The following UBE2O variants were observed in gnomAD, a reference collection of about 807,000 sequenced individuals.
UBE2O encodes the protein (E3-independent) E2 ubiquitin-conjugating enzyme.
Under a neutral mutation model 125.8 loss-of-function variants are expected in UBE2O, and 15 were observed. That is an observed-to-expected ratio of 0.12 (90% CI 0.08 to 0.18). The LOEUF is 0.18. Among genes scored for constraint, UBE2O ranks in the 10% least tolerant of loss-of-function variants. The probability of loss-of-function intolerance (pLI) is 1.00; values close to 1 mark genes in which losing one functional copy is unlikely to be tolerated. For missense variants in UBE2O, 1,280 were observed against 1,723.6 expected (o/e 0.74, Z 4.56); for synonymous variants, 708 against 703.2 (o/e 1.01, Z -0.11).
Position 76,399,575 on chromosome 17 carries a change from G to A in UBE2O, c.1502C>T (p.Thr501Ile). The A allele has an allele frequency of 1.2e-6, 2 of 1,614,210 alleles. No individual in the cohort carries two copies. Among genetic ancestry groups the A allele is most frequent in the Non-Finnish European group, 1.7e-6 (2 of 1,180,040 alleles). Residue 501 changes from threonine (T) to isoleucine (I), a missense_variant, in exon 9 of 18, where the codon ACC (threonine) becomes ATC (isoleucine). Thr to Ile is a moderately conservative substitution (Grantham distance 89, BLOSUM62 -1). Transcript: ENST00000319380. This position sits in a 1 kb window ranked among gnomAD's most constrained non-coding sequence, Gnocchi z 6.9. Reference sequence around the variant, plus strand: ...GCCGCTGCCGCTCTGGGAGGAAGTGGTGGAGCTGGCAGAGGAGGTCACCGA... The same window carrying A: ...GCCGCTGCCGCTCTGGGAGGAAGTGATGGAGCTGGCAGAGGAGGTCACCGA... ...TSSVTSSASS[T>I]TSSQSGSGTS...
At position 76,404,220 on chromosome 17, in the gene UBE2O, C is replaced by T. The variant is rs756495399; in HGVS notation, c.588+986G>A. Among the ~76,000 whole-genome samples the T allele has an allele frequency of 1.3e-5, 2 of 152,206 alleles. No homozygotes were observed. The highest frequency in any genetic ancestry group is 2.9e-5 in the Non-Finnish European group (2 of 68,038). On this transcript the variant is annotated intron_variant, in intron 3 of 17. Coordinates refer to ENST00000319380, the MANE Select transcript of UBE2O (RefSeq NM_022066.4). This position sits in a 1 kb window ranked among gnomAD's most constrained non-coding sequence, Gnocchi z 4.3. ...GACATAATCTGGGACTACGTTCCCA[C>T]AAAATACAATCACTTAAAGGGGGTA...
Position 76,398,178 on chromosome 17 carries a change from C to G in UBE2O, c.2025+77G>C. 6.3e-7 allele frequency: 1 copy of G among 1,598,160 alleles called. No individual in the cohort carries two copies. The highest frequency in any genetic ancestry group is 2.2e-5 in the East Asian group (1 of 44,708). On this transcript the variant is annotated intron_variant, in intron 12 of 17. Transcript: ENST00000319380. This position sits in a 1 kb window ranked among gnomAD's most constrained non-coding sequence, Gnocchi z 5.4. ...TTCAGGTCTTGTCTCCTAGAGCCACCTGGTGGCAGCATCAGGGACTGCAGC... is the reference window on the plus strand; with the variant it reads ...TTCAGGTCTTGTCTCCTAGAGCCACGTGGTGGCAGCATCAGGGACTGCAGC...
chr17:76,401,749 G>A (rs999306505), intron 5 of UBE2O: 15 of 207,348 alleles, frequency 7.2e-5, no homozygotes, highest in Non-Finnish European at 9.6e-5. Flanking sequence ...GGTGGCACAC[G>A]CCTGTAATCC....
intron 1 of UBE2O, among the ~76,000 whole-genome samples, chr17:76,445,620 A>C (rs980908639): frequency 6.6e-6 from 1 of 152,260 alleles, no homozygotes; most frequent in Non-Finnish European, 1.5e-5. Flanking sequence ...CCAAGGATCC[A>C]TCCAATACAG....
At chr17:76,415,068 G>A (rs970080041) in intron 1 of UBE2O, among the ~76,000 whole-genome samples, 5 of 152,156 alleles carry the variant, frequency 3.3e-5, no homozygotes, top group African/African-American at 1.2e-4. Flanking sequence ...CAGTGGCCCC[G>A]GACTGCTCCA....
At chr17:76,444,782 T>TGATG (rs951855999) in intron 1 of UBE2O, among the ~76,000 whole-genome samples, 8 of 152,322 alleles carry the variant, frequency 5.3e-5, no homozygotes, top group Admixed American at 4.6e-4. Context: ...GGCTTGAAGA[T>TGATG]GATGTCATCA....
chr17:76,451,060 CAT>C (rs2073232663), intron 1 of UBE2O, among the ~76,000 whole-genome samples: 1 of 152,202 alleles, frequency 6.6e-6, no homozygotes, highest in Non-Finnish European at 1.5e-5. Context: ...AACTGATAAA[CAT>C]AGCGGCTCCC....
rs1321935812 is a variant in UBE2O at position 76,389,877 on chromosome 17, C to A, written c.*1066G>T. ...TCCAACCTTAAATATTACATACATA[C>A]ACCAAAAATTACATAGCTGCAATGT... On this transcript the variant is annotated 3_prime_UTR_variant, in exon 18 of 18. Coordinates refer to ENST00000319380, the MANE Select transcript of UBE2O (RefSeq NM_022066.4). The A allele has an allele frequency of 6.6e-6, 1 of 152,372 alleles. No homozygotes were observed. Among genetic ancestry groups the A allele is most frequent in the Non-Finnish European group, 1.5e-5 (1 of 68,016 alleles). The allele number at this position is 152,372 out of a possible 1,614,324, so 9.4% of individuals were successfully genotyped here.
intron 15 of UBE2O, among the ~76,000 whole-genome samples, chr17:76,394,880 A>T (rs1598580267): frequency 6.7e-6 from 1 of 148,160 alleles, no homozygotes; most frequent in East Asian, 2.0e-4. Context: ...TTTCAAAGTA[A>T]TTTTTTTTTT....
intron 1 of UBE2O, among the ~76,000 whole-genome samples, chr17:76,428,495 T>C (rs1567849790): frequency 6.6e-6 from 1 of 152,252 alleles, no homozygotes; most frequent in Non-Finnish European, 1.5e-5. Flanking sequence ...AGTAACTTTT[T>C]ATTTCATGGA....
rs777016078 is a variant in UBE2O, at chr17:76,399,931, C to T, written c.1156-10G>A. 32 of 1,590,908 alleles carry T rather than the reference C, an allele frequency of 2.0e-5. No individual in the cohort carries two copies. Among genetic ancestry groups the T allele is most frequent in the Middle Eastern group, 3.4e-4 (2 of 5,948 alleles). ...TCAACAGGCGCTTCACCTGCAAGGG[C>T]GGAGCAGAGAGGACAGGGCTGTGAG... On this transcript the variant is annotated splice_polypyrimidine_tract_variant and intron_variant, in intron 8 of 17. Coordinates refer to ENST00000319380, the MANE Select transcript of UBE2O (RefSeq NM_022066.4). This position sits in a 1 kb window ranked among gnomAD's most constrained non-coding sequence, Gnocchi z 6.9.
chr17:76,423,373 C>G (rs1000119220), intron 1 of UBE2O, among the ~76,000 whole-genome samples: 1 of 151,794 alleles, frequency 6.6e-6, no homozygotes, highest in Admixed American at 6.6e-5. Flanking sequence ...GAGTAAGACC[C>G]TATCTCTAAA....
intron 1 of UBE2O, among the ~76,000 whole-genome samples, chr17:76,432,613 C>T (rs1248879140): frequency 6.6e-6 from 1 of 151,986 alleles, no homozygotes; most frequent in African/African-American, 2.4e-5. Flanking sequence ...GGGTTAAATC[C>T]CAACATAATG....
chr17:76,398,537 C>T lies in UBE2O; in HGVS notation c.1831G>A (p.Asp611Asn). 6.2e-7 allele frequency: 1 copy of T among 1,614,100 alleles called. No individual in the cohort carries two copies. The highest frequency in any genetic ancestry group is 8.5e-7 in the Non-Finnish European group (1 of 1,180,024). ...PAVYGVVQSG[D>N]HIGRTCMVKW... ...ACCATGCAGGTACGGCCGATGTGGTCCCCAGACTGTACCACACCGTAGACA... is the reference window on the plus strand; with the variant it reads ...ACCATGCAGGTACGGCCGATGTGGTTCCCAGACTGTACCACACCGTAGACA... The change falls in exon 11 of 18, where the codon GAC (aspartate) becomes AAC (asparagine). Residue 611 changes from aspartate to asparagine, a missense_variant. By Grantham distance (23) the Asp-to-Asn change is conservative (BLOSUM62 1). Transcript: ENST00000319380. The surrounding 1 kb of genome is among the most constrained non-coding windows in gnomAD (Gnocchi z 5.4).
rs1313528354 is a variant in UBE2O at position 76,398,525 on chromosome 17, G to A, written c.1843C>T (p.Arg615Cys). The A allele has an allele frequency of 6.2e-7, 1 of 1,613,926 alleles. No homozygotes were observed. The highest frequency in any genetic ancestry group is 1.1e-5 in the South Asian group (1 of 91,076). ...TTGAACCACTTCACCATGCAGGTAC[G>A]GCCGATGTGGTCCCCAGACTGTACC... ...GVVQSGDHIG[R>C]TCMVKWFKLR... is the part of the protein sequence containing the mutation. The change falls in exon 11 of 18, where the codon CGT (arginine) becomes TGT (cysteine). Residue 615 changes from arginine (R) to cysteine (C), a missense_variant. Arg to Cys is a radical substitution (Grantham distance 180). Transcript: ENST00000319380. The surrounding 1 kb of genome is among the most constrained non-coding windows in gnomAD (Gnocchi z 5.4).
rs549272390 is a variant in UBE2O at position 76,437,937 on chromosome 17, T to C, written c.417+14788A>G. 2.0e-5 allele frequency among the ~76,000 whole-genome samples: 3 copies of C among 152,308 alleles called. 1 individual carries two copies. In the South Asian group the frequency reaches 6.2e-4, roughly 32 times the overall value. On this transcript the variant is annotated intron_variant, in intron 1 of 17. Transcript: ENST00000319380. ...GATGGGGGACAGGCTAAATACACGC[T>C]TCGAAGGGAGGTGTCTCTCGTTGCC...
chr17:76,447,662 T>C (rs1462134838), intron 1 of UBE2O, among the ~76,000 whole-genome samples: 13 of 152,116 alleles, frequency 8.5e-5, no homozygotes, highest in African/African-American at 3.1e-4. Flanking sequence ...AGGTAGGAAG[T>C]TCATGAGTAT....
intron 1 of UBE2O, among the ~76,000 whole-genome samples, chr17:76,432,014 A>G (rs1043764865): frequency 2.6e-5 from 4 of 152,194 alleles, no homozygotes; most frequent in Non-Finnish European, 4.4e-5. Flanking sequence ...CACACTTTAC[A>G]CACTCACAAA....
rs2072385610 is a variant in UBE2O at position 76,404,662 on chromosome 17, G to A, written c.588+544C>T. 1.3e-5 allele frequency among the ~76,000 whole-genome samples: 2 copies of A among 152,200 alleles called. No individual in the cohort carries two copies. Among genetic ancestry groups the A allele is most frequent in the Non-Finnish European group, 2.9e-5 (2 of 68,038 alleles). The stretch of plus-strand genomic sequence containing the variant: ...TTATATGGTGGTTGCACAGGAGGCT[G>A]TCCTCATTTTTGGAAAACACACAAG... On this transcript the variant is annotated intron_variant, in intron 3 of 17. Coordinates refer to ENST00000319380, the MANE Select transcript of UBE2O (RefSeq NM_022066.4). This position sits in a 1 kb window ranked among gnomAD's most constrained non-coding sequence, Gnocchi z 4.3.
Sources: allele counts gnomAD v4.1 joint callset (sites outside exome capture counted in the v4.1 genomes callset), GRCh38; gene constraint gnomAD v4.1.1; non-coding constraint Gnocchi (gnomAD v3.1); transcripts MANE v1.5; gene names NCBI Gene and HGNC (gene_info 2026-07-23, HGNC 2026-07-21).